GTF3C1: variants seen among roughly 807,000 people sequenced by gnomAD.
GTF3C1 encodes general transcription factor 3C polypeptide 1.
In GTF3C1, 57 loss-of-function variants were observed where a neutral mutation model predicts 226.7. The observed-to-expected ratio is 0.25, with a 90% CI of 0.20 to 0.31. The LOEUF is 0.31. GTF3C1 is among the 10% of genes least tolerant of loss of function. The probability of loss-of-function intolerance (pLI) is 1.00; values close to 1 mark genes in which losing one functional copy is unlikely to be tolerated. For synonymous variants in GTF3C1, 1,090 were observed against 1,084.8 expected, an observed-to-expected ratio of 1.00 and a Z score of -0.09; for missense variants, 2,217 against 2,776.1, an observed-to-expected ratio of 0.80 and a Z score of 4.53.
At chr16:27,498,536 G>C in intron 13 of GTF3C1, 94 bp downstream of exon 13, 1 of 764,548 alleles carries the variant, frequency 1.3e-6, no homozygotes, top group Admixed American at 1.7e-5. Flanking sequence ...ACTGATCCAT[G>C]CAGGTATAAA....
At chr16:27,491,970 G>A (rs1478469328) in intron 19 of GTF3C1, among the ~76,000 whole-genome samples, 1 of 152,172 alleles carries the variant, frequency 6.6e-6, no homozygotes, top group African/African-American at 2.4e-5. Context: ...CCTGTGAGCT[G>A]TGTCTCCTCT....
chr16:27,495,141 T>C, intron 15 of GTF3C1, 70 bp downstream of exon 15: 1 of 1,174,870 alleles, frequency 8.5e-7, no homozygotes, highest in Non-Finnish European at 1.2e-6. Context: ...AAAGGAACTA[T>C]CATGTTTCTC....
chr16:27,497,546 A>G (rs1596634622), intron 14 of GTF3C1, 91 bp downstream of exon 14: 1 of 1,007,820 alleles, frequency 9.9e-7, no homozygotes. Flanking sequence ...TGCGGCTCGG[A>G]GCTCAAATGG....
In GTF3C1 at chr16:27,507,753, C is replaced by A. The variant is rs773851176; in HGVS notation, c.1243-597G>T. Among the ~76,000 whole-genome samples the A allele has an allele frequency of 1.3e-4, 20 of 152,230 alleles. No individual in the cohort carries two copies. The highest frequency in any genetic ancestry group is 2.8e-4 in the Non-Finnish European group (19 of 68,046). On this transcript the variant is annotated intron_variant, in intron 8 of 36. Transcript: ENST00000356183. This position sits in a 1 kb window ranked among gnomAD's most constrained non-coding sequence, Gnocchi z 4.9. ...CTGCCTTCCAGCCAGATGACCAGAT[C>A]GTGAGCAAGATGAGAGTGGCATGTC... is the stretch of plus-strand genomic sequence containing the variant.
intron 12 of GTF3C1, among the ~76,000 whole-genome samples, chr16:27,500,023 C>G (rs1051252401): frequency 9.2e-5 from 14 of 152,032 alleles, no homozygotes; most frequent in Admixed American, 2.6e-4. Context: ...TATGTGGCCC[C>G]CCATGCTTAC....
At chr16:27,495,004 T>C in intron 15 of GTF3C1, 96 bp from the exon 16 acceptor site, 8 of 1,103,988 alleles carry the variant, frequency 7.2e-6, no homozygotes, top group Non-Finnish European at 1.1e-5. Flanking sequence ...TTGGTGTCTT[T>C]ACCCCTAATT....
At chr16:27,524,817 C>A (rs915778306) in intron 6 of GTF3C1, among the ~76,000 whole-genome samples, 1 of 152,240 alleles carries the variant, frequency 6.6e-6, no homozygotes, top group Non-Finnish European at 1.5e-5. Flanking sequence ...AACAGCTCCA[C>A]AGGCCATGAG....
chr16:27,545,989 T>C (rs548253359), intron 1 of GTF3C1, among the ~76,000 whole-genome samples: 2 of 152,278 alleles, frequency 1.3e-5, no homozygotes, highest in East Asian at 3.9e-4. Context: ...GCTGGGATTA[T>C]AGGGGTGTGC....
At chr16:27,523,760 T>C (rs576678888) in intron 6 of GTF3C1, among the ~76,000 whole-genome samples, 1 of 152,272 alleles carries the variant, frequency 6.6e-6, no homozygotes, top group Non-Finnish European at 1.5e-5. Flanking sequence ...GATGAGTAAC[T>C]GGGCTACGGC....
intron 19 of GTF3C1, among the ~76,000 whole-genome samples, chr16:27,491,633 C>A (rs1275388224): frequency 1.3e-5 from 2 of 152,120 alleles, no homozygotes; most frequent in Non-Finnish European, 2.9e-5. Flanking sequence ...TGGGCAGAGG[C>A]TCCCCACAAA....
chr16:27,504,946 T>C (rs975639977), intron 10 of GTF3C1, among the ~76,000 whole-genome samples: 2 of 151,880 alleles, frequency 1.3e-5, no homozygotes, highest in African/African-American at 4.8e-5. Context: ...AATTAATTAA[T>C]TAAAAAAATA....
intron 25 of GTF3C1, chr16:27,483,538 C>T: frequency 2.2e-6 from 1 of 456,278 alleles, no homozygotes; most frequent in Non-Finnish European, 4.4e-6. Flanking sequence ...ACTCCACTAA[C>T]CTTCACATCT....
chr16:27,536,655 T>C (rs2089006019), intron 4 of GTF3C1, among the ~76,000 whole-genome samples: 1 of 152,154 alleles, frequency 6.6e-6, no homozygotes, highest in South Asian at 2.1e-4. Context: ...ACTTTAACAT[T>C]TCTATGTAAT....
chr16:27,509,861 G>A lies in GTF3C1; in HGVS notation c.1127-1206C>T, dbSNP rs74934001. On this transcript the variant is annotated intron_variant, in intron 7 of 36. Coordinates refer to ENST00000356183, the MANE Select transcript of GTF3C1 (RefSeq NM_001520.4). ...AATCAGTCTGAATAAAGGAGGTTTT[G>A]CTATGTTGTACACGCATAAAAATAA... Among the ~76,000 whole-genome samples, 377 of 151,968 alleles carry A rather than the reference G, an allele frequency of 2.5e-3. 2 individuals carry two copies. The highest frequency in any genetic ancestry group is 8.6e-3 in the African/African-American group (358 of 41,446).
chr16:27,511,645 A>G, intron 7 of GTF3C1, 104 bp downstream of exon 7: 1 of 1,251,240 alleles, frequency 8.0e-7, no homozygotes, highest in South Asian at 1.4e-5. Flanking sequence ...TTCCCATTGT[A>G]TTACATTCTC....
intron 32 of GTF3C1, among the ~76,000 whole-genome samples, chr16:27,468,490 T>C (rs1460430066): frequency 2.0e-5 from 3 of 151,786 alleles, no homozygotes; most frequent in Non-Finnish European, 4.4e-5. Context: ...CACATGCCTA[T>C]AGTCCAAGCT....
At chr16:27,494,629 A>G (rs576033975) in intron 16 of GTF3C1, 134 bp downstream of exon 16, 2 of 637,526 alleles carry the variant, frequency 3.1e-6, no homozygotes, top group East Asian at 5.3e-5. Context: ...GCATCTGCCT[A>G]TCCATCTATC....
chr16:27,549,059 C>T (rs905875813), intron 1 of GTF3C1, among the ~76,000 whole-genome samples: 3 of 152,084 alleles, frequency 2.0e-5, no homozygotes, highest in Admixed American at 2.0e-4. Flanking sequence ...GAGGCTGAGG[C>T]ACGAGAATCG....
Position 27,464,778 on chromosome 16 carries a change from G to C in GTF3C1, c.5414C>G (p.Ala1805Gly). Residue 1805 changes from alanine (A) to glycine (G), a missense_variant, in exon 34 of 37, where the codon GCC becomes GGC. Physicochemically the swap from Ala to Gly is moderately conservative, Grantham distance 60. Coordinates refer to ENST00000356183, the MANE Select transcript of GTF3C1 (RefSeq NM_001520.4). ...GAGCCAAGGCCAGGCAGAGCCCATG[G>C]CTACCAGGCGCGCAGTGTTGCCACC... The part of the protein sequence containing the change: ...EVGGNTARLV[A>G]MGSAWPWLLH... 1 of 1,553,808 alleles carries C rather than the reference G, an allele frequency of 6.4e-7. No individual in the cohort carries two copies. The highest frequency in any genetic ancestry group is 8.6e-7 in the Non-Finnish European group (1 of 1,163,318).
Sources: gnomAD v4.1 joint callset for allele counts (sites outside exome capture counted in the v4.1 genomes callset) on GRCh38, gnomAD v4.1.1 for gene constraint, Gnocchi (gnomAD v3.1) non-coding constraint, MANE v1.5 for transcripts, NCBI Gene and HGNC (gene_info 2026-07-23, HGNC 2026-07-21) for gene names.